Variants in RORB observed in about 807,000 individuals in gnomAD.
The protein encoded by RORB is RAR related orphan receptor B.
A neutral mutation model predicts 59.1 loss-of-function variants in RORB; 6 were observed. The ratio of observed to expected loss-of-function variants is 0.10; its 90% CI spans 0.06 to 0.20. The LOEUF (loss-of-function observed/expected upper bound fraction) is 0.20, where lower values mean the gene tolerates loss of function less well. Ranked by LOEUF, RORB falls within the 10% of genes least tolerant of loss-of-function variation. RORB has a pLI of 1.00. For missense variants in RORB, 320 were observed against 560.5 expected, an observed-to-expected ratio of 0.57 and a Z score of 4.33; for synonymous variants, 215 against 204.5, an observed-to-expected ratio of 1.05 and a Z score of -0.44.
intron 4 of RORB, among the ~76,000 whole-genome samples, chr9:74,649,222 A>G (rs374874098): frequency 6.6e-6 from 1 of 152,110 alleles, no homozygotes; most frequent in East Asian, 1.9e-4. Flanking sequence ...AAGTGCTGAT[A>G]TTACAGGCAT....
At chr9:74,561,671 C>T (rs1822398479) in intron 1 of RORB, among the ~76,000 whole-genome samples, 1 of 152,070 alleles carries the variant, frequency 6.6e-6, no homozygotes, top group Admixed American at 6.6e-5. Flanking sequence ...CCCAACTTTC[C>T]CTAATGTTAA....
intron 1 of RORB, among the ~76,000 whole-genome samples, chr9:74,611,746 C>G (rs1021243727): frequency 2.0e-5 from 3 of 152,212 alleles, no homozygotes; most frequent in Admixed American, 6.5e-5. Flanking sequence ...CTCCCAGGCT[C>G]AAGCGATTCT....
intron 1 of RORB, among the ~76,000 whole-genome samples, chr9:74,515,476 A>G (rs1014617556): frequency 1.1e-4 from 16 of 151,928 alleles, no homozygotes; most frequent in Non-Finnish European, 1.9e-4. Context: ...TTCTTTCAGG[A>G]GAGTGTTTTA....
chr9:74,670,392 A>T (rs959423052), intron 8 of RORB, among the ~76,000 whole-genome samples: 6 of 152,206 alleles, frequency 3.9e-5, no homozygotes, highest in Non-Finnish European at 7.3e-5. Context: ...AAGACATGAA[A>T]TATTAAATGT....
intron 1 of RORB, chr9:74,498,935 A>T (rs1477166009): frequency 6.5e-6 from 1 of 153,700 alleles, no homozygotes. Flanking sequence ...GAAGGGCTGG[A>T]GGGTGGGTTT....
Position 74,691,920 on chromosome 9 carries a change from TC to T in RORB, c.*6304del, listed in dbSNP as rs1217425018. On this transcript the variant is annotated 3_prime_UTR_variant, in exon 10 of 10. Transcript: ENST00000376896. The stretch of plus-strand genomic sequence containing the variant: ...GAAGATTGGCCTAAGACCTGCAAAC[TC>T]CATCTATAACTAGAAAATACGAAAA... 6.6e-6 allele frequency: 1 copy of T among 151,986 alleles called. No individual in the cohort carries two copies. The highest frequency in any genetic ancestry group is 1.9e-4 in the East Asian group (1 of 5,198). 9.4% of individuals were successfully genotyped at this position (151,986 alleles called of 1,614,324 possible). A position where few individuals can be genotyped will look rare whatever the true frequency, so the allele number is the denominator to read the frequency against.
chr9:74,526,108 T>C (rs1826152745), intron 1 of RORB, among the ~76,000 whole-genome samples: 1 of 151,906 alleles, frequency 6.6e-6, no homozygotes, highest in East Asian at 1.9e-4. Flanking sequence ...CAAGTTGTAG[T>C]AGGCACTCCT....
intron 1 of RORB, among the ~76,000 whole-genome samples, chr9:74,583,837 G>A (rs1382467382): frequency 6.6e-6 from 1 of 152,196 alleles, no homozygotes; most frequent in Non-Finnish European, 1.5e-5. Context: ...CTGGTGGGCC[G>A]TCTACTAGTA....
At chr9:74,575,158 T>G (rs188343330) in intron 1 of RORB, among the ~76,000 whole-genome samples, 2 of 152,166 alleles carry the variant, frequency 1.3e-5, no homozygotes, top group Non-Finnish European at 2.9e-5. Flanking sequence ...AAGACTATCG[T>G]TTTATGCCCA....
chr9:74,580,421 G>T (rs1453347107), intron 1 of RORB, among the ~76,000 whole-genome samples: 1 of 152,088 alleles, frequency 6.6e-6, no homozygotes, highest in African/African-American at 2.4e-5. Flanking sequence ...AATAGATCTT[G>T]TTCCTTGATT....
At chr9:74,621,409 C>T (rs896166112) in intron 1 of RORB, among the ~76,000 whole-genome samples, 17 of 152,166 alleles carry the variant, frequency 1.1e-4, no homozygotes, top group Admixed American at 8.5e-4. Flanking sequence ...CATATATTTT[C>T]GTGGCTTAAT....
chr9:74,631,931 CA>C (rs1415332632), intron 2 of RORB, among the ~76,000 whole-genome samples: 1 of 152,126 alleles, frequency 6.6e-6, no homozygotes, highest in Non-Finnish European at 1.5e-5. Flanking sequence ...TCTTCATAAA[CA>C]GTAATAGTTT....
intron 1 of RORB, among the ~76,000 whole-genome samples, chr9:74,617,735 A>G (rs1823336459): frequency 6.6e-6 from 1 of 152,186 alleles, no homozygotes; most frequent in South Asian, 2.1e-4. Context: ...GGGAGCTTCT[A>G]GAGTGACGTT....
chr9:74,602,103 A>G (rs954074550), intron 1 of RORB, among the ~76,000 whole-genome samples: 1 of 152,170 alleles, frequency 6.6e-6, no homozygotes, highest in African/African-American at 2.4e-5. Context: ...CCCCATCAAC[A>G]TCATTGCCCT....
intron 4 of RORB, among the ~76,000 whole-genome samples, chr9:74,654,324 A>G (rs1327134123): frequency 2.1e-5 from 3 of 141,652 alleles, no homozygotes; most frequent in African/African-American, 7.8e-5. Context: ...AGTCCTTTAC[A>G]GTCTCAGGGG....
chr9:74,536,325 A>G (rs1563931015), intron 1 of RORB, among the ~76,000 whole-genome samples: 1 of 151,866 alleles, frequency 6.6e-6, no homozygotes, highest in Non-Finnish European at 1.5e-5. Context: ...GGAGAAGGAG[A>G]ATGAGGAAGA....
chr9:74,497,614 C>T lies in RORB; in HGVS notation c.-363C>T. ...GTGATCACAAAAGAAATCTTCTGAG[C>T]CGGAGGCGGTGGCATTTTTTAAAAA... is the stretch of plus-strand genomic sequence containing the variant. On this transcript the variant is annotated 5_prime_UTR_variant, in exon 1 of 10. Transcript: ENST00000376896. 1 of 319,438 alleles carries T rather than the reference C, an allele frequency of 3.1e-6. No homozygotes were observed. Among genetic ancestry groups the T allele is most frequent in the South Asian group, 7.2e-5 (1 of 13,842 alleles). 19.8% of individuals were successfully genotyped at this position (319,438 alleles called of 1,614,324 possible).
chr9:74,663,198 G>T (rs1227335922), intron 6 of RORB, among the ~76,000 whole-genome samples: 1 of 151,968 alleles, frequency 6.6e-6, no homozygotes, highest in Non-Finnish European at 1.5e-5. Context: ...TCTTTCTTGG[G>T]CCCCTTTGAA....
chr9:74,500,456 C>T (rs543881940), intron 1 of RORB, among the ~76,000 whole-genome samples: 1 of 152,270 alleles, frequency 6.6e-6, no homozygotes, highest in South Asian at 2.1e-4. Context: ...TCAGCTTTCG[C>T]TCGTGCAGGG....
Sources: allele counts gnomAD v4.1 joint callset (sites outside exome capture counted in the v4.1 genomes callset), GRCh38; gene constraint gnomAD v4.1.1; transcripts MANE v1.5; gene names NCBI Gene and HGNC (gene_info 2026-07-23, HGNC 2026-07-21).